The following REDIC1 variants were observed in gnomAD, a reference collection of about 807,000 sequenced individuals.
REDIC1 encodes regulator of DNA class I crossover intermediates 1.
the REDIC1 span, among the ~76,000 whole-genome samples, chr12:39,694,340 C>G: frequency 6.6e-6 from 1 of 152,242 alleles, no homozygotes; most frequent in Admixed American, 6.5e-5. Context: ...AGGCACTGAA[C>G]AGGTAGGAAA....
At chr12:39,780,203 A>G in the REDIC1 span, among the ~76,000 whole-genome samples, 216 of 148,152 alleles carry the variant, frequency 1.5e-3, 1 homozygote, top group African/African-American at 5.0e-3. Context: ...CATTTTGCAT[A>G]TAAGTCTTTT....
the REDIC1 span, chr12:39,764,763 A>C: frequency 6.2e-7 from 1 of 1,612,852 alleles, no homozygotes; most frequent in South Asian, 1.1e-5. Flanking sequence ...AAGATATAAA[A>C]TAAGGCCCAG....
the REDIC1 span, chr12:39,644,054 A>G: frequency 3.5e-5 from 22 of 627,418 alleles, no homozygotes; most frequent in Non-Finnish European, 5.1e-5. Context: ...CTTAAATTAG[A>G]TGCCTAGTTA....
At chr12:39,654,243 A>G in the REDIC1 span, among the ~76,000 whole-genome samples, 1 of 152,010 alleles carries the variant, frequency 6.6e-6, no homozygotes, top group Non-Finnish European at 1.5e-5. Flanking sequence ...CTGTTAATAT[A>G]TAACAATTTA....
At chr12:39,712,165 C>CATGTATATATACCTGTATGTATATGTAG in the REDIC1 span, among the ~76,000 whole-genome samples, 3 of 139,512 alleles carry the variant, frequency 2.2e-5, no homozygotes, top group Non-Finnish European at 4.7e-5. Context: ...TGTATATGTA[C>CATGTATATATACCTGTATGTATATGTAG]ATGTATATAT....
the REDIC1 span, among the ~76,000 whole-genome samples, chr12:39,761,829 C>G: frequency 2.6e-5 from 4 of 152,196 alleles, 1 homozygote; most frequent in Admixed American, 2.6e-4. Context: ...AAATCTGTAA[C>G]AGCAAACCCA....
the REDIC1 span, chr12:39,755,567 T>C: frequency 1.3e-5 from 2 of 152,108 alleles, no homozygotes; most frequent in Non-Finnish European, 1.5e-5. Flanking sequence ...CTCTTCTTTT[T>C]TAACCTTTAA....
chr12:39,732,277 G>A, the REDIC1 span, among the ~76,000 whole-genome samples: 1 of 152,124 alleles, frequency 6.6e-6, no homozygotes, highest in African/African-American at 2.4e-5. Context: ...TGGTTTTGCA[G>A]ATTGCATTCT....
the REDIC1 span, chr12:39,692,292 G>T: frequency 1.4e-5 from 7 of 514,676 alleles, no homozygotes; most frequent in Non-Finnish European, 2.2e-5. Flanking sequence ...AAATATACAT[G>T]AGTACATTAA....
chr12:39,763,315 G>A, the REDIC1 span, among the ~76,000 whole-genome samples: 3 of 152,014 alleles, frequency 2.0e-5, no homozygotes, highest in African/African-American at 7.2e-5. Context: ...AAAAGCATTA[G>A]ATAAATACCA....
At chr12:39,904,200 T>A in the REDIC1 span, among the ~76,000 whole-genome samples, 1 of 152,086 alleles carries the variant, frequency 6.6e-6, no homozygotes, top group Non-Finnish European at 1.5e-5. Flanking sequence ...GAAATGTTGT[T>A]TACCAGGGAA....
At chr12:39,626,766 G>C in the REDIC1 span, among the ~76,000 whole-genome samples, 1 of 152,172 alleles carries the variant, frequency 6.6e-6, no homozygotes. Flanking sequence ...TGGAAATTGT[G>C]AAACAGCCCA....
chr12:39,725,688 CAT>C, the REDIC1 span, among the ~76,000 whole-genome samples: 2 of 151,762 alleles, frequency 1.3e-5, no homozygotes, highest in Non-Finnish European at 2.9e-5. Context: ...AATCAGGACA[CAT>C]AGATATTTTA....
At chr12:39,721,158 T>C in the REDIC1 span, 5 of 1,613,666 alleles carry the variant, frequency 3.1e-6, no homozygotes, top group Non-Finnish European at 3.4e-6. Flanking sequence ...AATGTACATG[T>C]AGAAGTGATG....
chr12:39,714,291 G>GCATATATGTATATACGTATATA, the REDIC1 span, among the ~76,000 whole-genome samples: 261 of 39,272 alleles, frequency 6.6e-3, 52 homozygotes, highest in African/African-American at 0.013. Context: ...ATACGTATAT[G>GCATATATGTATATACGTATATA]CATGCATATA....
chr12:39,812,223 A>G, the REDIC1 span, among the ~76,000 whole-genome samples: 1 of 152,096 alleles, frequency 6.6e-6, no homozygotes, highest in East Asian at 1.9e-4. Flanking sequence ...GAGGGAATCT[A>G]TCTGGGGCCC....
the REDIC1 span, among the ~76,000 whole-genome samples, chr12:39,679,449 G>T: frequency 1.3e-5 from 2 of 152,094 alleles, no homozygotes; most frequent in Non-Finnish European, 2.9e-5. Flanking sequence ...GGAGGTGAAA[G>T]ATATCTACAA....
the REDIC1 span, among the ~76,000 whole-genome samples, chr12:39,704,665 A>T: frequency 1.8e-3 from 277 of 152,328 alleles, no homozygotes; most frequent in African/African-American, 5.9e-3. Flanking sequence ...AAGACTTGGA[A>T]CCAACCCAAA....
At chr12:39,712,180 G>GTATGTATATGTACATGTATATATACCTA in the REDIC1 span, among the ~76,000 whole-genome samples, 2 of 134,570 alleles carry the variant, frequency 1.5e-5, no homozygotes, top group Non-Finnish European at 3.1e-5. Context: ...ATATATACCT[G>GTATGTATATGTACATGTATATATACCTA]TATGTATATG....
Sources: allele counts gnomAD v4.1 joint callset (sites outside exome capture counted in the v4.1 genomes callset), GRCh38; gene constraint gnomAD v4.1.1; transcripts MANE v1.5; gene names NCBI Gene and HGNC (gene_info 2026-07-23, HGNC 2026-07-21).